The following COMMD10 variants were observed in gnomAD, a reference collection of about 807,000 sequenced individuals.
The protein encoded by COMMD10 is COMM domain-containing protein 10.
In COMMD10, 33 loss-of-function variants were observed where a neutral mutation model predicts 28.9. The observed-to-expected ratio is 1.14, with a 90% CI of 0.87 to 1.53. The LOEUF is 1.53. Ranked by LOEUF, COMMD10 falls within the 40% of genes most tolerant of loss-of-function variation. COMMD10 has a pLI of 0.00. For synonymous variants in COMMD10, 110 were observed against 81.7 expected (o/e 1.35, Z -1.87); for missense variants, 310 against 233.4 (o/e 1.33, Z -2.14).
At chr5:116,285,501 C>G (rs560657796) in intron 5 of COMMD10, among the ~76,000 whole-genome samples, 1 of 151,908 alleles carries the variant, frequency 6.6e-6, no homozygotes, top group South Asian at 2.1e-4. Context: ...GAAACACTTA[C>G]CACTGCTGTA....
chr5:116,290,565 A>G (rs1751336518), intron 5 of COMMD10, among the ~76,000 whole-genome samples: 1 of 151,880 alleles, frequency 6.6e-6, no homozygotes, highest in African/African-American at 2.4e-5. Flanking sequence ...AAAAGTGAAC[A>G]TAGAAACTGC....
intron 5 of COMMD10, among the ~76,000 whole-genome samples, chr5:116,183,780 C>A (rs1748052096): frequency 6.6e-6 from 1 of 152,052 alleles, no homozygotes; most frequent in Non-Finnish European, 1.5e-5. Context: ...ATTAATGAAG[C>A]AGTTCCTTTG....
chr5:116,258,430 T>A (rs948660714), intron 5 of COMMD10, among the ~76,000 whole-genome samples: 1 of 150,064 alleles, frequency 6.7e-6, no homozygotes, highest in African/African-American at 2.5e-5. Flanking sequence ...CACCACCACA[T>A]CTTTTTTTCT....
chr5:116,171,381 G>A (rs1753327412), intron 5 of COMMD10, among the ~76,000 whole-genome samples: 1 of 152,184 alleles, frequency 6.6e-6, no homozygotes, highest in South Asian at 2.1e-4. Flanking sequence ...CTGTTGGTGG[G>A]AGTGTAAATT....
At chr5:116,242,842 T>C (rs568533307) in intron 5 of COMMD10, among the ~76,000 whole-genome samples, 172 of 152,210 alleles carry the variant, frequency 1.1e-3, no homozygotes, top group Admixed American at 2.2e-3. Flanking sequence ...TAAGCTAATA[T>C]AAGAAAAGTA....
intron 4 of COMMD10, among the ~76,000 whole-genome samples, chr5:116,100,789 T>G (rs1750635141): frequency 6.6e-6 from 1 of 152,218 alleles, no homozygotes; most frequent in African/African-American, 2.4e-5. Flanking sequence ...TTTATTTTTC[T>G]TTGTATAAAT....
intron 5 of COMMD10, among the ~76,000 whole-genome samples, chr5:116,177,016 T>C (rs1227383135): frequency 6.6e-6 from 1 of 152,144 alleles, no homozygotes; most frequent in Non-Finnish European, 1.5e-5. Context: ...TGGTCTGTAG[T>C]TGCTGGGCAA....
At chr5:116,252,089 A>G (rs987492741) in intron 5 of COMMD10, among the ~76,000 whole-genome samples, 1 of 149,388 alleles carries the variant, frequency 6.7e-6, no homozygotes, top group Non-Finnish European at 1.5e-5. Context: ...TGGCTGCATA[A>G]ATGTCTTCTT....
rs1226374699 is a variant in COMMD10, at chr5:116,085,033, G to A, written c.-20G>A. 2 of 1,603,652 alleles carry A rather than the reference G, an allele frequency of 1.2e-6. No individual in the cohort carries two copies. The highest frequency in any genetic ancestry group is 1.7e-6 in the Non-Finnish European group (2 of 1,176,894). ...GGTTCGGCGCAGCTAACAGACGGCG[G>A]CAGTGCGAGAAAGCCGAAGATGGCG... On this transcript the variant is annotated 5_prime_UTR_variant, in exon 1 of 7. Coordinates refer to ENST00000274458, the MANE Select transcript of COMMD10 (RefSeq NM_016144.4).
chr5:116,106,840 C>T (rs1750856324), intron 4 of COMMD10, among the ~76,000 whole-genome samples: 1 of 152,118 alleles, frequency 6.6e-6, no homozygotes, highest in Non-Finnish European at 1.5e-5. Flanking sequence ...GTAGATCTTC[C>T]TCCATCCCTT....
At chr5:116,208,136 T>G (rs1024846375) in intron 5 of COMMD10, among the ~76,000 whole-genome samples, 3 of 152,036 alleles carry the variant, frequency 2.0e-5, no homozygotes, top group Non-Finnish European at 4.4e-5. Context: ...CTATCTTAAA[T>G]AAGATAATGT....
intron 4 of COMMD10, among the ~76,000 whole-genome samples, chr5:116,128,936 C>T (rs1390792832): frequency 1.3e-5 from 2 of 151,808 alleles, no homozygotes; most frequent in African/African-American, 4.8e-5. Context: ...GCTTGATGTT[C>T]ATTAGCCACT....
At chr5:116,217,232 T>A (rs1385135479) in intron 5 of COMMD10, among the ~76,000 whole-genome samples, 3 of 151,860 alleles carry the variant, frequency 2.0e-5, no homozygotes, top group Admixed American at 2.0e-4. Flanking sequence ...TCCAGCTTTA[T>A]TAAAGATACT....
intron 5 of COMMD10, among the ~76,000 whole-genome samples, chr5:116,285,039 G>GT (rs151102755): frequency 0.073 from 11,146 of 151,912 alleles, 521 homozygotes; most frequent in Admixed American, 0.13. Context: ...GTTGATTCTG[G>GT]TTTTATAAGC....
intron 5 of COMMD10, among the ~76,000 whole-genome samples, chr5:116,229,062 G>A (rs779829317): frequency 1.3e-4 from 19 of 151,906 alleles, no homozygotes; most frequent in South Asian, 4.1e-4. Context: ...ATGCTGATTC[G>A]TCTTTACATT....
intron 5 of COMMD10, among the ~76,000 whole-genome samples, chr5:116,225,353 G>GGTTTTTTTTTTTTTTTTTTT (rs143964154): frequency 8.6e-6 from 1 of 116,512 alleles, no homozygotes; most frequent in African/African-American, 3.4e-5. Flanking sequence ...TTTTTTTGGG[G>GGTTTTTTTTTTTTTTTTTTT]ATTTTTTTTT....
At chr5:116,271,810 T>G (rs1309522541) in intron 5 of COMMD10, among the ~76,000 whole-genome samples, 2 of 151,856 alleles carry the variant, frequency 1.3e-5, no homozygotes, top group African/African-American at 4.9e-5. Context: ...TCCCCCTACT[T>G]TACATAATAT....
intron 5 of COMMD10, among the ~76,000 whole-genome samples, chr5:116,152,193 C>T (rs1195658486): frequency 6.6e-6 from 1 of 152,104 alleles, no homozygotes; most frequent in Non-Finnish European, 1.5e-5. Flanking sequence ...ATCCTGAGTT[C>T]TAGTTTGATT....
At chr5:116,127,980 C>G (rs1751720080) in intron 4 of COMMD10, among the ~76,000 whole-genome samples, 1 of 151,878 alleles carries the variant, frequency 6.6e-6, no homozygotes. Flanking sequence ...GAAGACTGCT[C>G]TGGATAAAAA....
Sources: gnomAD v4.1 joint callset for allele counts (sites outside exome capture counted in the v4.1 genomes callset) on GRCh38, gnomAD v4.1.1 for gene constraint, MANE v1.5 for transcripts, NCBI Gene and HGNC (gene_info 2026-07-23, HGNC 2026-07-21) for gene names.